Variants in RBFOX1 observed in about 807,000 individuals in gnomAD.
RBFOX1 encodes the protein RNA binding fox-1 homolog 1.
RBFOX1 carries 8 observed loss-of-function variants against 57.7 expected under a neutral mutation model. The observed-to-expected ratio is 0.14, with a 90% CI of 0.08 to 0.25. The LOEUF (loss-of-function observed/expected upper bound fraction) is 0.25, where lower values mean the gene tolerates loss of function less well. RBFOX1 is among the 10% of genes least tolerant of loss of function. The probability of loss-of-function intolerance (pLI) is 1.00; values close to 1 mark genes in which losing one functional copy is unlikely to be tolerated. For missense variants in RBFOX1, 611 were observed against 548.5 expected (o/e 1.11, Z -1.14); for synonymous variants, 326 against 222.4 (o/e 1.47, Z -4.15).
chr16:6,062,484 A>G (rs1262128080), intron 1 of RBFOX1, among the ~76,000 whole-genome samples: 1 of 151,974 alleles, frequency 6.6e-6, no homozygotes, highest in East Asian at 1.9e-4. Context: ...CTGTGCTCCA[A>G]GAACCAGGTT....
chr16:5,811,235 C>T (rs938374944), intron 3 of RBFOX1, among the ~76,000 whole-genome samples: 4 of 149,794 alleles, frequency 2.7e-5, no homozygotes, highest in African/African-American at 5.0e-5. Flanking sequence ...TTCCGCCTCC[C>T]AGGTTCTTCC....
chr16:6,517,828 A>G (rs1310624677), intron 2 of RBFOX1, among the ~76,000 whole-genome samples: 7 of 152,142 alleles, frequency 4.6e-5, no homozygotes, highest in African/African-American at 9.7e-5. Context: ...TTATTTTCCA[A>G]TTCTTAAAAG....
intron 2 of RBFOX1, among the ~76,000 whole-genome samples, chr16:6,406,201 A>G (rs2093274832): frequency 1.3e-5 from 2 of 152,252 alleles, no homozygotes; most frequent in African/African-American, 4.8e-5. Context: ...TCTGTCATTG[A>G]AGCATTTCTC....
chr16:6,732,019 A>G (rs1483306226), intron 3 of RBFOX1, among the ~76,000 whole-genome samples: 2 of 152,164 alleles, frequency 1.3e-5, no homozygotes, highest in East Asian at 1.9e-4. Context: ...ATCTAGGTAA[A>G]TTCTGGGAAC....
chr16:7,190,843 C>T (rs942298795), intron 4 of RBFOX1, among the ~76,000 whole-genome samples: 37 of 152,270 alleles, frequency 2.4e-4, no homozygotes, highest in African/African-American at 8.9e-4. Context: ...TGCATAGACG[C>T]ACATGATGAA....
chr16:7,245,022 T>C (rs2094232180), intron 4 of RBFOX1, among the ~76,000 whole-genome samples: 1 of 152,158 alleles, frequency 6.6e-6, no homozygotes, highest in South Asian at 2.1e-4. Flanking sequence ...TGCATACCAT[T>C]TTCATGAATT....
intron 3 of RBFOX1, among the ~76,000 whole-genome samples, chr16:5,850,969 T>G (rs113246797): frequency 0.01 from 1,578 of 152,294 alleles, 11 homozygotes; most frequent in Middle Eastern, 0.017. Flanking sequence ...TCCCGGAGGC[T>G]CATGCATCCT....
intron 4 of RBFOX1, among the ~76,000 whole-genome samples, chr16:7,384,051 C>T (rs1219401882): frequency 2.9e-5 from 4 of 137,748 alleles, no homozygotes; most frequent in African/African-American, 1.1e-4. Context: ...GAGACTCCAT[C>T]TCAAAAAAAA....
Position 6,816,521 on chromosome 16 carries a change from C to T in RBFOX1, c.-16+161871C>T, listed in dbSNP as rs187596184. Among the ~76,000 whole-genome samples the T allele has an allele frequency of 5.3e-5, 8 of 150,888 alleles. No individual in the cohort carries two copies. In the East Asian group the frequency reaches 1.2e-3, roughly 22 times the overall value. On this transcript the variant is annotated intron_variant, in intron 3 of 15. Coordinates refer to ENST00000550418, the MANE Select transcript of RBFOX1 (RefSeq NM_018723.4). ...CTTTGGGAAGCCAAGGCGGACAGAT[C>T]ACAGGATCAGGAGATGAAGACCATC...
intron 2 of RBFOX1, among the ~76,000 whole-genome samples, chr16:6,599,371 G>T (rs1450817512): frequency 1.3e-5 from 2 of 152,158 alleles, no homozygotes; most frequent in East Asian, 3.9e-4. Flanking sequence ...CCTGGGTCTA[G>T]TAATGAGTCT....
intron 3 of RBFOX1, among the ~76,000 whole-genome samples, chr16:6,747,437 A>T (rs1296245340): frequency 7.7e-6 from 1 of 129,468 alleles, no homozygotes; most frequent in Non-Finnish European, 1.6e-5. Flanking sequence ...TCAGTCAGTC[A>T]GTCAGTTAGT....
At chr16:6,718,661 C>G (rs771500455) in intron 3 of RBFOX1, among the ~76,000 whole-genome samples, 9 of 152,058 alleles carry the variant, frequency 5.9e-5, no homozygotes, top group South Asian at 2.1e-4. Context: ...CGGACTTCCC[C>G]CTTGCTGTTT....
At chr16:6,607,813 G>T (rs1042204336) in intron 2 of RBFOX1, among the ~76,000 whole-genome samples, 1 of 152,182 alleles carries the variant, frequency 6.6e-6, no homozygotes, top group East Asian at 1.9e-4. Flanking sequence ...CCTAATGAGC[G>T]ATCATAGAAT....
At chr16:7,183,142 C>G (rs1256408855) in intron 4 of RBFOX1, among the ~76,000 whole-genome samples, 2 of 152,154 alleles carry the variant, frequency 1.3e-5, no homozygotes, top group African/African-American at 2.4e-5. Context: ...GTATTCAACC[C>G]TCTTTTTATT....
chr16:7,289,850 TG>T (rs933584232), intron 4 of RBFOX1, among the ~76,000 whole-genome samples: 2 of 152,192 alleles, frequency 1.3e-5, no homozygotes, highest in African/African-American at 4.8e-5. Context: ...TTAAATAACT[TG>T]CCAAAAGCCA....
rs187071261 is a variant in RBFOX1, at chr16:5,284,973, C to G, written c.219+44868C>G. Among the ~76,000 whole-genome samples, 310 of 151,848 alleles carry G rather than the reference C, an allele frequency of 2.0e-3. 4 individuals are homozygous for G. Among genetic ancestry groups the G allele is most frequent in the Non-Finnish European group, 5.9e-4 (40 of 67,930 alleles). On this transcript the variant is annotated intron_variant, in intron 1 of 2. Coordinates refer to the RBFOX1 transcript ENST00000585867. The stretch of plus-strand genomic sequence containing the variant: ...TTTTGGGTTGTATTTATTTGGGAAT[C>G]TTTGAGCTTCCTGTATTTGGATCTA...
At chr16:6,910,079 C>A (rs1443123044) in intron 3 of RBFOX1, among the ~76,000 whole-genome samples, 1 of 152,022 alleles carries the variant, frequency 6.6e-6, no homozygotes, top group Non-Finnish European at 1.5e-5. Context: ...GATATTGTGC[C>A]TGTACGTCCC....
chr16:5,835,123 C>G (rs553722035), intron 3 of RBFOX1, among the ~76,000 whole-genome samples: 1 of 151,654 alleles, frequency 6.6e-6, no homozygotes, highest in South Asian at 2.1e-4. Context: ...TATATAGGAC[C>G]CCCCCCAGAA....
intron 3 of RBFOX1, among the ~76,000 whole-genome samples, chr16:6,976,687 C>T (rs2086944553): frequency 1.3e-5 from 2 of 148,482 alleles, no homozygotes; most frequent in Non-Finnish European, 3.0e-5. Context: ...ATATATCATA[C>T]CTATAGCATA....
Sources: allele counts gnomAD v4.1 joint callset (sites outside exome capture counted in the v4.1 genomes callset), GRCh38; gene constraint gnomAD v4.1.1; transcripts MANE v1.5; gene names NCBI Gene and HGNC (gene_info 2026-07-23, HGNC 2026-07-21).